GPR35: variants seen among roughly 807,000 people sequenced by gnomAD.
GPR35 encodes KYNA receptor.
For missense variants in GPR35, 372 were observed against 422.5 expected, an observed-to-expected ratio of 0.88 and a Z score of 1.05; for synonymous variants, 207 against 198.4, an observed-to-expected ratio of 1.04 and a Z score of -0.36.
chr2:240,632,735 AT>A lies in GPR35; in HGVS notation c.*1854del, dbSNP rs1304381549. 1.3e-5 allele frequency among the ~76,000 whole-genome samples: 2 copies of A among 151,664 alleles called. No individual in the cohort carries two copies. The highest frequency in any genetic ancestry group is 2.9e-5 in the Non-Finnish European group (2 of 67,906). ...GGAAGGCCCATGCCCAGGAGGGTCC[AT>A]GCCCAGGCCAGTTCATGCACAGGAG... On this transcript the variant is annotated 3_prime_UTR_variant, in exon 2 of 2. Transcript: ENST00000407714.
At position 240,620,332 on chromosome 2, in the gene GPR35, G is replaced by A. The variant is rs549793784; in HGVS notation, c.-5+1301G>A. Among the ~76,000 whole-genome samples, 8 of 152,254 alleles carry A rather than the reference G, an allele frequency of 5.3e-5. No individual in the cohort carries two copies. The East Asian group carries it at 7.8e-4, about 15-fold the overall frequency. ...CTCCCTGCTGGTGGCCAGATGCCTC[G>A]ACACCCCATAGGCTGGGTGAAGGTG... On this transcript the variant is annotated intron_variant, in intron 5 of 5. Coordinates refer to the GPR35 transcript ENST00000319838.
At chr2:240,625,396 T>G (rs1437714858), upstream of GPR35, 1 of 985,330 alleles carries the variant, frequency 1.0e-6, no homozygotes, top group Non-Finnish European at 1.2e-6. Flanking sequence ...CCTGACCTGC[T>G]GCCGTCAGTC....
intron 2 of GPR35, among the ~76,000 whole-genome samples, chr2:240,616,115 G>A (rs1325248822): frequency 6.6e-6 from 1 of 152,138 alleles, no homozygotes; most frequent in Non-Finnish European, 1.5e-5. Flanking sequence ...CGCCTGCTTG[G>A]TAGTGAGATC....
intron 2 of GPR35, among the ~76,000 whole-genome samples, chr2:240,614,408 G>A (rs369580560): frequency 9.9e-5 from 15 of 152,146 alleles, no homozygotes; most frequent in South Asian, 6.2e-4. Flanking sequence ...CACCTTAACC[G>A]TCACCTTCAC....
chr2:240,619,042 T>G (rs1177156769), intron 5 of GPR35: 1 of 701,236 alleles, frequency 1.4e-6, no homozygotes, highest in Admixed American at 2.0e-5. Context: ...GTGAGTACAT[T>G]CCTAGAAGTG....
chr2:240,630,055 C>T lies in GPR35; in HGVS notation c.103C>T (p.Leu35=). The T allele has an allele frequency of 6.2e-7, 1 of 1,612,506 alleles. No individual in the cohort carries two copies. Among genetic ancestry groups the T allele is most frequent in the Non-Finnish European group, 8.5e-7 (1 of 1,179,978 alleles). Residue 35 remains leucine (L), a synonymous_variant, in exon 2 of 2, where the codon CTG becomes TTG. Transcript: ENST00000407714. The stretch of plus-strand genomic sequence containing the variant: ...CTTGGGCGTCCTGCTGGTGCTAGGC[C>T]TGCTGCTCAACAGCCTGGCGCTCTG... ...AYLGVLLVLG[L]LLNSLALWVF...
At chr2:240,613,461 C>G (rs1423811260) in intron 2 of GPR35, among the ~76,000 whole-genome samples, 2 of 152,102 alleles carry the variant, frequency 1.3e-5, no homozygotes, top group Non-Finnish European at 2.9e-5. Flanking sequence ...GACCCCAACC[C>G]TAATGCTAAT....
upstream of GPR35, among the ~76,000 whole-genome samples, chr2:240,622,593 C>T (rs1194789321): frequency 6.6e-6 from 1 of 152,232 alleles, no homozygotes; most frequent in Admixed American, 6.5e-5. Context: ...TGTGTTGGGC[C>T]ACATTCAAAG....
chr2:240,613,856 A>G (rs2125476959), intron 2 of GPR35, among the ~76,000 whole-genome samples: 1 of 151,146 alleles, frequency 6.6e-6, no homozygotes, highest in South Asian at 2.1e-4. Context: ...CCTAACCAAA[A>G]CTCTAACCCT....
chr2:240,613,986 C>A (rs911662077), intron 2 of GPR35, among the ~76,000 whole-genome samples: 8 of 151,904 alleles, frequency 5.3e-5, no homozygotes, highest in South Asian at 2.1e-4. Flanking sequence ...AACCATAACA[C>A]CAACTACAAC....
At chr2:240,609,191 G>A (rs1049234197) in intron 2 of GPR35, among the ~76,000 whole-genome samples, 6 of 147,294 alleles carry the variant, frequency 4.1e-5, no homozygotes, top group East Asian at 4.0e-4. Context: ...ATTGATTTTC[G>A]TTTTTTTCTG....
At chr2:240,612,164 C>T (rs977268894) in intron 2 of GPR35, among the ~76,000 whole-genome samples, 3 of 151,978 alleles carry the variant, frequency 2.0e-5, no homozygotes, top group South Asian at 2.1e-4. Context: ...CTTATTAAAA[C>T]ATTTTTTAAA....
At chr2:240,609,103 G>C (rs2043161247) in intron 2 of GPR35, among the ~76,000 whole-genome samples, 1 of 151,866 alleles carries the variant, frequency 6.6e-6, no homozygotes, top group Non-Finnish European at 1.5e-5. Context: ...TTAGTAATTT[G>C]TGGATTTTTT....
chr2:240,618,855 T>C (rs767689216), intron 4 of GPR35: 7 of 624,464 alleles, frequency 1.1e-5, no homozygotes, highest in Admixed American at 2.6e-5. Context: ...CATATGACAG[T>C]GTGTAGAAAT....
chr2:240,623,155 C>T (rs191204114), upstream of GPR35, among the ~76,000 whole-genome samples: 7 of 152,198 alleles, frequency 4.6e-5, no homozygotes, highest in Admixed American at 4.6e-4. Context: ...GGTCGTCGAG[C>T]TTCACAGAGG....
rs889482647 is a variant in GPR35 at position 240,631,785 on chromosome 2, C to T, written c.*903C>T. Among the ~76,000 whole-genome samples, 3 of 152,216 alleles carry T rather than the reference C, an allele frequency of 2.0e-5. No individual in the cohort carries two copies. The highest frequency in any genetic ancestry group is 4.4e-5 in the Non-Finnish European group (3 of 68,036). On this transcript the variant is annotated 3_prime_UTR_variant, in exon 2 of 2. Coordinates refer to ENST00000407714, the MANE Select transcript of GPR35 (RefSeq NM_005301.5). ...AAACCCAAGCTGGAAGGACAGGGCA[C>T]TCCAGAGACCTCCTGTGAGTGTGGG...
chr2:240,622,785 AG>A (rs1244174206), upstream of GPR35, among the ~76,000 whole-genome samples: 1 of 152,010 alleles, frequency 6.6e-6, no homozygotes, highest in Non-Finnish European at 1.5e-5. Context: ...GCGCTGCTGC[AG>A]GGGGCTAACC....
intron 2 of GPR35, among the ~76,000 whole-genome samples, chr2:240,609,944 C>G (rs2043166917): frequency 6.6e-6 from 1 of 150,860 alleles, no homozygotes; most frequent in African/African-American, 2.4e-5. Context: ...TGAATTGACC[C>G]TTTTTTCATA....
At chr2:240,610,172 C>A (rs952433784) in intron 2 of GPR35, among the ~76,000 whole-genome samples, 1 of 152,144 alleles carries the variant, frequency 6.6e-6, no homozygotes, top group Non-Finnish European at 1.5e-5. Flanking sequence ...CTTGGCCAGG[C>A]TGGTCTCAAG....
Sources: allele counts gnomAD v4.1 joint callset (sites outside exome capture counted in the v4.1 genomes callset), GRCh38; gene constraint gnomAD v4.1.1; transcripts MANE v1.5; gene names NCBI Gene and HGNC (gene_info 2026-07-23, HGNC 2026-07-21).